The following TWIST2 variants were observed in gnomAD, a reference collection of about 807,000 sequenced individuals.
TWIST2 encodes twist family bHLH transcription factor 2, also known as twist-related protein 2.
Under a neutral mutation model 11.6 loss-of-function variants are expected in TWIST2, and 1 was observed. The ratio of observed to expected loss-of-function variants is 0.09; its 90% CI spans 0.03 to 0.41. The LOEUF (loss-of-function observed/expected upper bound fraction) is 0.41, where lower values mean the gene tolerates loss of function less well. TWIST2 is among the 10% of genes least tolerant of loss of function. The pLI is 0.98. For synonymous variants in TWIST2, 87 were observed against 96.6 expected, an observed-to-expected ratio of 0.90 and a Z score of 0.58; for missense variants, 168 against 226.4, an observed-to-expected ratio of 0.74 and a Z score of 1.66.
At chr2:238,869,341 CA>C (rs1174230662) in intron 1 of TWIST2, among the ~76,000 whole-genome samples, 1 of 152,094 alleles carries the variant, frequency 6.6e-6, no homozygotes, top group Non-Finnish European at 1.5e-5. Context: ...GCAAGGAAAA[CA>C]AAAATAGACA....
chr2:238,880,146 A>C (rs978629361), intron 1 of TWIST2, among the ~76,000 whole-genome samples: 1 of 152,024 alleles, frequency 6.6e-6, no homozygotes, highest in African/African-American at 2.4e-5. Context: ...TGTTAGTGTT[A>C]GTGTTAGTAT....
At chr2:238,856,632 G>C (rs927075653) in intron 1 of TWIST2, among the ~76,000 whole-genome samples, 4 of 152,128 alleles carry the variant, frequency 2.6e-5, no homozygotes, top group African/African-American at 9.7e-5. Flanking sequence ...CTACGGAAGG[G>C]ACTCAGGTCT....
chr2:238,865,233 A>C (rs931357028), intron 1 of TWIST2, among the ~76,000 whole-genome samples: 1 of 152,318 alleles, frequency 6.6e-6, no homozygotes, highest in Non-Finnish European at 1.5e-5. Context: ...CCAGGAAGCA[A>C]ACCCAGCCAG....
intron 1 of TWIST2, among the ~76,000 whole-genome samples, chr2:238,871,657 CA>C (rs1304500521): frequency 1.3e-5 from 1 of 75,124 alleles, no homozygotes; most frequent in African/African-American, 4.1e-5. Context: ...ACACCCCCCC[CA>C]CACACACCAT....
chr2:238,903,484 T>G (rs1172998742), intron 1 of TWIST2, among the ~76,000 whole-genome samples: 6 of 136,646 alleles, frequency 4.4e-5, no homozygotes, highest in Non-Finnish European at 7.9e-5. Context: ...GTGTGCATGA[T>G]GTGAGGTGTG....
At chr2:238,883,961 T>C (rs1434151947) in intron 1 of TWIST2, among the ~76,000 whole-genome samples, 1 of 152,138 alleles carries the variant, frequency 6.6e-6, no homozygotes, top group African/African-American at 2.4e-5. Flanking sequence ...TTCCTTCTCC[T>C]CTGCATTAAA....
chr2:238,848,761 C>T, intron 1 of TWIST2, 28 bp downstream of exon 1: 4 of 1,329,510 alleles, frequency 3.0e-6, no homozygotes, highest in Non-Finnish European at 3.8e-6. Flanking sequence ...GACGGGCGCC[C>T]TCCGCTGCGG....
intron 1 of TWIST2, among the ~76,000 whole-genome samples, chr2:238,852,827 A>G (rs191298208): frequency 3.3e-4 from 50 of 152,350 alleles, no homozygotes; most frequent in African/African-American, 1.2e-3. Flanking sequence ...TCTCTGTATA[A>G]TATTTCTTGC....
At chr2:238,860,282 G>C (rs1370018063) in intron 1 of TWIST2, among the ~76,000 whole-genome samples, 1 of 152,224 alleles carries the variant, frequency 6.6e-6, no homozygotes, top group African/African-American at 2.4e-5. Flanking sequence ...AACTCGTTCA[G>C]CACCAGTTGT....
chr2:238,853,966 C>T (rs376992276), intron 1 of TWIST2, among the ~76,000 whole-genome samples: 6 of 152,188 alleles, frequency 3.9e-5, no homozygotes, highest in African/African-American at 1.4e-4. Flanking sequence ...GGCTGTCCCT[C>T]ACTGAGCGGT....
At chr2:238,872,246 C>T (rs1422724712) in intron 1 of TWIST2, among the ~76,000 whole-genome samples, 4 of 152,196 alleles carry the variant, frequency 2.6e-5, no homozygotes, top group African/African-American at 9.6e-5. Context: ...TAACCTTAGT[C>T]CAAGTGGGTG....
intron 1 of TWIST2, among the ~76,000 whole-genome samples, chr2:238,905,621 G>A (rs1406094009): frequency 6.6e-6 from 1 of 152,144 alleles, no homozygotes; most frequent in Admixed American, 6.5e-5. Flanking sequence ...TGGGTGATAC[G>A]GTATTTCCCC....
At position 238,867,320 on chromosome 2, in the gene TWIST2, A is replaced by G. The variant is rs1278966561; in HGVS notation, c.*35+18587A>G. On this transcript the variant is annotated intron_variant, in intron 1 of 1. Transcript: ENST00000612363. The surrounding 1 kb of genome is among the most constrained non-coding windows in gnomAD (Gnocchi z 4.8). ...GAGACATCTTGGGGGAAAGTGATTC[A>G]TCTGATCTGGGATGGAAGATTATTC... is the stretch of plus-strand genomic sequence containing the variant. Among the ~76,000 whole-genome samples the G allele has an allele frequency of 6.7e-6, 1 of 150,336 alleles. No homozygotes were observed. Among genetic ancestry groups the G allele is most frequent in the East Asian group, 2.0e-4 (1 of 5,052 alleles).
At chr2:238,888,661 G>A (rs74000306) in intron 1 of TWIST2, among the ~76,000 whole-genome samples, 3,285 of 152,234 alleles carry the variant, frequency 0.022, 110 homozygotes, top group African/African-American at 0.068. Context: ...ATAAGAAGTC[G>A]TAGCCCCTGA....
chr2:238,894,752 G>A (rs1182855207), intron 1 of TWIST2, among the ~76,000 whole-genome samples: 2 of 151,730 alleles, frequency 1.3e-5, no homozygotes, highest in Non-Finnish European at 1.5e-5. Flanking sequence ...CCTCTCAACT[G>A]GGACTGATCT....
chr2:238,881,384 TTA>T (rs1692925641), intron 1 of TWIST2, among the ~76,000 whole-genome samples: 1 of 151,414 alleles, frequency 6.6e-6, no homozygotes, highest in Admixed American at 6.6e-5. Context: ...TTTATTAGTA[TTA>T]GTTACTATTT....
intron 1 of TWIST2, among the ~76,000 whole-genome samples, chr2:238,891,590 C>T (rs1233123007): frequency 6.6e-6 from 1 of 152,152 alleles, no homozygotes; most frequent in African/African-American, 2.4e-5. Context: ...ATCTAGGAGG[C>T]ATGTGAACAG....
At chr2:238,873,551 G>A (rs780034909) in intron 1 of TWIST2, among the ~76,000 whole-genome samples, 33 of 152,188 alleles carry the variant, frequency 2.2e-4, no homozygotes, top group Non-Finnish European at 3.4e-4. Context: ...GTGCACGCAT[G>A]AGCGCACACA....
At chr2:238,907,813 C>A (rs2106376560) in intron 1 of TWIST2, among the ~76,000 whole-genome samples, 1 of 145,222 alleles carries the variant, frequency 6.9e-6, no homozygotes, top group East Asian at 2.0e-4. Context: ...CACCACGCGC[C>A]ACACAAATAT....
Sources: allele counts gnomAD v4.1 joint callset (sites outside exome capture counted in the v4.1 genomes callset), GRCh38; gene constraint gnomAD v4.1.1; non-coding constraint Gnocchi (gnomAD v3.1); transcripts MANE v1.5; gene names NCBI Gene and HGNC (gene_info 2026-07-23, HGNC 2026-07-21).